POU2F1: variants seen among roughly 807,000 people sequenced by gnomAD.
The protein encoded by POU2F1 is POU domain, class 2, transcription factor 1.
POU2F1 carries 16 observed loss-of-function variants against 84.9 expected under a neutral mutation model. The observed-to-expected ratio is 0.19, with a 90% CI of 0.13 to 0.29. POU2F1 has a LOEUF of 0.29. POU2F1 is among the 10% of genes least tolerant of loss of function. The probability of loss-of-function intolerance (pLI) is 1.00; values close to 1 mark genes in which losing one functional copy is unlikely to be tolerated. For missense variants in POU2F1, 738 were observed against 942.6 expected (o/e 0.78, Z 2.84); for synonymous variants, 368 against 368.3 (o/e 1.00, Z 0.01).
intron 2 of POU2F1, among the ~76,000 whole-genome samples, chr1:167,352,801 T>C (rs1038022549): frequency 6.6e-6 from 1 of 152,228 alleles, no homozygotes; most frequent in African/African-American, 2.4e-5. Flanking sequence ...GTGTCATATG[T>C]ACTTTAGCTC....
chr1:167,378,028 T>C (rs1660444227), intron 7 of POU2F1, among the ~76,000 whole-genome samples: 1 of 152,232 alleles, frequency 6.6e-6, no homozygotes. Flanking sequence ...GGTATGTGTC[T>C]TTATGGCAGA....
Position 167,423,133 on chromosome 1 carries a change from G to T in POU2F1, c.*7323G>T, listed in dbSNP as rs557909130. The T allele has an allele frequency of 1.4e-4, 22 of 152,294 alleles. No individual in the cohort carries two copies. Among genetic ancestry groups the T allele is most frequent in the African/African-American group, 5.3e-4 (22 of 41,556 alleles). 9.4% of individuals were successfully genotyped at this position (152,294 alleles called of 1,614,324 possible). Reference sequence around the variant, plus strand: ...ATATTTAGATGTGGTATCTCCATCTGTCTCCTGTAAAAGATAAGAATTTTC... The same window carrying T: ...ATATTTAGATGTGGTATCTCCATCTTTCTCCTGTAAAAGATAAGAATTTTC... On this transcript the variant is annotated 3_prime_UTR_variant, in exon 16 of 16. Coordinates refer to ENST00000367866, the MANE Select transcript of POU2F1 (RefSeq NM_002697.4).
At chr1:167,387,201 AG>A (rs1330256851) in intron 8 of POU2F1, 1 of 455,998 alleles carries the variant, frequency 2.2e-6, no homozygotes, top group South Asian at 1.5e-5. Context: ...GTCCAGCCTG[AG>A]GTTTCTGGAG....
chr1:167,240,547 A>G (rs546193432), intron 1 of POU2F1, among the ~76,000 whole-genome samples: 1 of 152,350 alleles, frequency 6.6e-6, no homozygotes, highest in East Asian at 1.9e-4. Flanking sequence ...TTTAACACAC[A>G]GGACAACAGA....
rs1336605314 is a variant in POU2F1 at position 167,370,157 on chromosome 1, A to T, written c.229-4A>T. On this transcript the variant is annotated splice_region_variant and splice_polypyrimidine_tract_variant and intron_variant, in intron 3 of 15. Transcript: ENST00000367866. The stretch of plus-strand genomic sequence containing the variant: ...AAACTAGAACTTCCCCTGATTACTT[A>T]TAGGTCCAACTCGCTGGAACAAGTT... 1.6e-5 allele frequency: 25 copies of T among 1,603,474 alleles called. No individual in the cohort carries two copies. The highest frequency in any genetic ancestry group is 2.0e-5 in the Non-Finnish European group (23 of 1,172,812).
At chr1:167,229,374 G>A (rs979890600) in intron 1 of POU2F1, among the ~76,000 whole-genome samples, 1 of 152,110 alleles carries the variant, frequency 6.6e-6, no homozygotes, top group African/African-American at 2.4e-5. Flanking sequence ...TTTGAGACAT[G>A]TTTGGGTGGG....
chr1:167,312,098 C>A (rs113559215), intron 1 of POU2F1, among the ~76,000 whole-genome samples: 29 of 151,976 alleles, frequency 1.9e-4, no homozygotes, highest in Admixed American at 2.6e-4. Context: ...CCACGCTCGG[C>A]TAATTTTTGT....
At chr1:167,386,048 A>T (rs1191044092) in intron 8 of POU2F1, among the ~76,000 whole-genome samples, 2 of 152,252 alleles carry the variant, frequency 1.3e-5, no homozygotes, top group African/African-American at 4.8e-5. Context: ...AAATATCACT[A>T]CACAGTCACT....
chr1:167,237,757 TATATATA>T, intron 1 of POU2F1, among the ~76,000 whole-genome samples: 4 of 19,918 alleles, frequency 2.0e-4, no homozygotes, highest in African/African-American at 3.7e-4. Context: ...TATATATATA[TATATATA>T]TATATATATT....
intron 1 of POU2F1, among the ~76,000 whole-genome samples, chr1:167,291,986 AC>A (rs1653956417): frequency 1.3e-5 from 2 of 152,014 alleles, no homozygotes; most frequent in Admixed American, 6.6e-5. Flanking sequence ...TGGCTGTTAT[AC>A]TGACTTGTTT....
At chr1:167,299,564 TAAAC>T (rs1654515254) in intron 1 of POU2F1, among the ~76,000 whole-genome samples, 1 of 152,208 alleles carries the variant, frequency 6.6e-6, no homozygotes, top group African/African-American at 2.4e-5. Context: ...TGAGTGATTA[TAAAC>T]AAACACTTGA....
At chr1:167,396,963 C>G (rs1648853927) in intron 10 of POU2F1, 1 of 152,516 alleles carries the variant, frequency 6.6e-6, no homozygotes, top group Admixed American at 6.5e-5. Flanking sequence ...CTGTAGGAGT[C>G]ATGTAGATCC....
chr1:167,308,973 A>G (rs1298258165), intron 1 of POU2F1, among the ~76,000 whole-genome samples: 1 of 152,172 alleles, frequency 6.6e-6, no homozygotes, highest in African/African-American at 2.4e-5. Context: ...CCTTTAAGCA[A>G]TAGTTATAAT....
In POU2F1 at chr1:167,423,203, C is replaced by G. The variant is rs1222124367; in HGVS notation, c.*7393C>G. ...AAACCAAAAGATCTTCCCTTACTCT[C>G]CTATAAATGTTTTGTTCCAAATGTT... On this transcript the variant is annotated 3_prime_UTR_variant, in exon 16 of 16. Coordinates refer to ENST00000367866, the MANE Select transcript of POU2F1 (RefSeq NM_002697.4). 1 of 152,186 alleles carries G rather than the reference C, an allele frequency of 6.6e-6. No individual in the cohort carries two copies. Among genetic ancestry groups the G allele is most frequent in the Non-Finnish European group, 1.5e-5 (1 of 68,034 alleles). 9.4% of individuals were successfully genotyped at this position (152,186 alleles called of 1,614,324 possible).
At position 167,281,168 on chromosome 1, in the gene POU2F1, C is replaced by T. The variant is rs192220833; in HGVS notation, c.62-51302C>T. Among the ~76,000 whole-genome samples the T allele has an allele frequency of 1.1e-4, 16 of 152,260 alleles. No homozygotes were observed. In the East Asian group the frequency reaches 3.1e-3, roughly 29 times the overall value. ...TAGACCGGTCTTAACTTAAAATGTA[C>T]ATAATGTATTTGGGTATTGACGAAA... On this transcript the variant is annotated intron_variant, in intron 1 of 15. Coordinates refer to ENST00000367866, the MANE Select transcript of POU2F1 (RefSeq NM_002697.4).
chr1:167,316,730 A>T (rs1655929455), intron 1 of POU2F1, among the ~76,000 whole-genome samples: 1 of 152,220 alleles, frequency 6.6e-6, no homozygotes, highest in African/African-American at 2.4e-5. Context: ...GAGAAAACAT[A>T]AATTACCAGT....
rs896066181 is a variant in POU2F1, at chr1:167,424,678, G to T, written c.*8868G>T. ...GGACCCCCTAAAGCCTCTGAATGTC[G>T]CTGCTTAAAAGCTACTGCAAACTGA... On this transcript the variant is annotated 3_prime_UTR_variant, in exon 16 of 16. Coordinates refer to ENST00000367866, the MANE Select transcript of POU2F1 (RefSeq NM_002697.4). The T allele has an allele frequency of 9.2e-5, 14 of 152,208 alleles. No homozygotes were observed. Among genetic ancestry groups the T allele is most frequent in the Non-Finnish European group, 1.9e-4 (13 of 68,058 alleles). 9.4% of individuals were successfully genotyped at this position (152,208 alleles called of 1,614,324 possible).
intron 1 of POU2F1, among the ~76,000 whole-genome samples, chr1:167,297,969 A>T (rs1654404184): frequency 6.6e-6 from 1 of 151,980 alleles, no homozygotes; most frequent in Non-Finnish European, 1.5e-5. Flanking sequence ...AAAAAAAAAA[A>T]TACAAAATTA....
intron 2 of POU2F1, among the ~76,000 whole-genome samples, chr1:167,336,902 A>T (rs1004818817): frequency 3.3e-5 from 5 of 152,124 alleles, no homozygotes; most frequent in African/African-American, 4.8e-5. Flanking sequence ...GCCATGGCTC[A>T]TGCTTGTAAT....
Sources: allele counts gnomAD v4.1 joint callset (sites outside exome capture counted in the v4.1 genomes callset), GRCh38; gene constraint gnomAD v4.1.1; transcripts MANE v1.5; gene names NCBI Gene and HGNC (gene_info 2026-07-23, HGNC 2026-07-21).